Variants in GALNTL6 observed in about 807,000 individuals in gnomAD.
The protein encoded by GALNTL6 is polypeptide N-acetylgalactosaminyltransferase like 6.
Under a neutral mutation model 73.7 loss-of-function variants are expected in GALNTL6, and 46 were observed. The observed-to-expected ratio is 0.62, with a 90% CI of 0.49 to 0.80. The LOEUF (loss-of-function observed/expected upper bound fraction) is 0.80. Ranked by LOEUF, GALNTL6 falls within the 30% of genes least tolerant of loss-of-function variation. GALNTL6 has a pLI of 0.00. For missense variants in GALNTL6, 604 were observed against 755.0 expected, an observed-to-expected ratio of 0.80 and a Z score of 2.34; for synonymous variants, 259 against 263.7, an observed-to-expected ratio of 0.98 and a Z score of 0.17.
chr4:171,928,401 G>T (rs568934828), intron 2 of GALNTL6, among the ~76,000 whole-genome samples: 49 of 152,308 alleles, frequency 3.2e-4, no homozygotes, highest in African/African-American at 1.2e-3. Context: ...TCACTCCAGT[G>T]CCTGGAGGCT....
At chr4:172,867,754 G>A (rs1012280361) in intron 7 of GALNTL6, among the ~76,000 whole-genome samples, 1 of 152,218 alleles carries the variant, frequency 6.6e-6, no homozygotes, top group African/African-American at 2.4e-5. Flanking sequence ...TGTGACCCAT[G>A]ACATTCAGCA....
At chr4:173,006,593 C>G (rs545560654) in intron 10 of GALNTL6, among the ~76,000 whole-genome samples, 106 of 152,268 alleles carry the variant, frequency 7.0e-4, no homozygotes, top group African/African-American at 2.5e-3. Context: ...AAGTTCCTCC[C>G]TGGTACTTAT....
intron 2 of GALNTL6, among the ~76,000 whole-genome samples, chr4:171,994,890 A>G (rs191657312): frequency 6.6e-6 from 1 of 152,202 alleles, no homozygotes; most frequent in East Asian, 1.9e-4. Context: ...CAGCAATGAA[A>G]CTAATTATTT....
intron 2 of GALNTL6, among the ~76,000 whole-genome samples, chr4:172,169,578 G>A (rs1734746806): frequency 6.6e-6 from 1 of 151,750 alleles, no homozygotes. Flanking sequence ...TTTTTTAAAG[G>A]CCTTGATAAT....
At chr4:172,337,662 G>T (rs1741387977) in intron 4 of GALNTL6, among the ~76,000 whole-genome samples, 1 of 149,242 alleles carries the variant, frequency 6.7e-6, no homozygotes, top group South Asian at 2.1e-4. Context: ...TGCTGTTGAG[G>T]ATCTGACCTT....
intron 5 of GALNTL6, among the ~76,000 whole-genome samples, chr4:172,571,052 T>G (rs1386227928): frequency 6.6e-6 from 1 of 152,206 alleles, no homozygotes; most frequent in African/African-American, 2.4e-5. Flanking sequence ...GAAGCTTCAC[T>G]CATTTGCCAA....
chr4:172,462,815 A>G (rs1241447710), intron 5 of GALNTL6, among the ~76,000 whole-genome samples: 2 of 152,216 alleles, frequency 1.3e-5, no homozygotes, highest in African/African-American at 4.8e-5. Flanking sequence ...GAAAAGTTGC[A>G]TACTTCCTTT....
rs1429854438 is a variant in GALNTL6 at position 172,606,652 on chromosome 4, G to GTA, written c.554-202700_554-202699dup. 1.8e-3 allele frequency among the ~76,000 whole-genome samples: 61 copies of GTA among 34,740 alleles called. 1 individual carries two copies. Among genetic ancestry groups the GTA allele is most frequent in the Admixed American group, 3.9e-3 (8 of 2,062 alleles). 22.8% of individuals were successfully genotyped at this position (34,740 alleles called of 152,430 possible). ...ATACTATATATATACTATATATATA[G>GTA]TATATATATACTATATATATATACT... On this transcript the variant is annotated intron_variant, in intron 5 of 12. Transcript: ENST00000506823.
At chr4:172,165,677 A>G (rs1734600476) in intron 2 of GALNTL6, among the ~76,000 whole-genome samples, 1 of 152,230 alleles carries the variant, frequency 6.6e-6, no homozygotes, top group Admixed American at 6.5e-5. Flanking sequence ...TAATTGTGAT[A>G]CTAATGTATA....
chr4:172,238,010 C>T (rs1192478406), intron 3 of GALNTL6, among the ~76,000 whole-genome samples: 2 of 152,136 alleles, frequency 1.3e-5, no homozygotes. Context: ...TGTTTGAAGT[C>T]AGATACTGTG....
At chr4:172,982,302 C>T (rs1462499601) in intron 10 of GALNTL6, among the ~76,000 whole-genome samples, 1 of 152,170 alleles carries the variant, frequency 6.6e-6, no homozygotes, top group Non-Finnish European at 1.5e-5. Flanking sequence ...CTCCATGACT[C>T]AATCACCACG....
At chr4:172,611,238 A>G (rs1467648885) in intron 5 of GALNTL6, among the ~76,000 whole-genome samples, 3 of 152,054 alleles carry the variant, frequency 2.0e-5, no homozygotes, top group Non-Finnish European at 4.4e-5. Flanking sequence ...TTAGCTGGTT[A>G]TAATGCAGAC....
chr4:172,752,365 A>AT (rs1242152562), intron 5 of GALNTL6, among the ~76,000 whole-genome samples: 1 of 152,122 alleles, frequency 6.6e-6, no homozygotes, highest in Non-Finnish European at 1.5e-5. Context: ...TATGGTTAGC[A>AT]TTTTGGCATA....
At chr4:173,011,049 T>G (rs2126496813) in intron 11 of GALNTL6, among the ~76,000 whole-genome samples, 1 of 152,330 alleles carries the variant, frequency 6.6e-6, no homozygotes, top group South Asian at 2.1e-4. Context: ...TAAAAGCCAT[T>G]TCAACTGGGG....
At chr4:172,413,563 G>A (rs906905886) in intron 5 of GALNTL6, among the ~76,000 whole-genome samples, 1 of 152,078 alleles carries the variant, frequency 6.6e-6, no homozygotes, top group Admixed American at 6.6e-5. Context: ...ACTGAGATTA[G>A]GCATAGGAAT....
At chr4:172,702,536 T>A (rs1734085291) in intron 5 of GALNTL6, among the ~76,000 whole-genome samples, 1 of 151,764 alleles carries the variant, frequency 6.6e-6, no homozygotes, top group Non-Finnish European at 1.5e-5. Flanking sequence ...AAACTTAATA[T>A]CCAATGTGAC....
At chr4:172,181,039 A>G (rs939451786) in intron 2 of GALNTL6, among the ~76,000 whole-genome samples, 1 of 152,160 alleles carries the variant, frequency 6.6e-6, no homozygotes, top group African/African-American at 2.4e-5. Flanking sequence ...GAATCTATAA[A>G]TTACTTTGGG....
intron 5 of GALNTL6, among the ~76,000 whole-genome samples, chr4:172,651,605 C>T (rs982711448): frequency 1.3e-5 from 2 of 152,078 alleles, no homozygotes; most frequent in Middle Eastern, 3.2e-3. Context: ...AAAAATAGTA[C>T]CTTATTTCAT....
chr4:172,867,728 C>T (rs1340670819), intron 7 of GALNTL6, among the ~76,000 whole-genome samples: 1 of 152,206 alleles, frequency 6.6e-6, no homozygotes, highest in East Asian at 1.9e-4. Context: ...ATCTTTGTAA[C>T]ACAAGCAGGT....
Sources: gnomAD v4.1 joint callset for allele counts (sites outside exome capture counted in the v4.1 genomes callset) on GRCh38, gnomAD v4.1.1 for gene constraint, MANE v1.5 for transcripts, NCBI Gene and HGNC (gene_info 2026-07-23, HGNC 2026-07-21) for gene names.